TBC1D5: variants seen among roughly 807,000 people sequenced by gnomAD.
TBC1D5 encodes the protein TBC1 domain family member 5.
In TBC1D5, 75 loss-of-function variants were observed where a neutral mutation model predicts 100.3. The observed-to-expected ratio is 0.75, with a 90% CI of 0.62 to 0.91. TBC1D5 has a LOEUF of 0.91. Among genes scored for constraint, TBC1D5 ranks in the 40% least tolerant of loss-of-function variants. The pLI is 0.00. For synonymous variants in TBC1D5, 323 were observed against 325.6 expected (o/e 0.99, Z 0.09); for missense variants, 910 against 942.4 (o/e 0.97, Z 0.45).
intron 1 of TBC1D5, among the ~76,000 whole-genome samples, chr3:17,640,478 G>T (rs866049560): frequency 8.6e-5 from 13 of 151,842 alleles, no homozygotes; most frequent in African/African-American, 2.2e-4. Flanking sequence ...CTTAAAAGAA[G>T]AATTATTTTA....
chr3:17,314,863 C>A (rs574776617), intron 13 of TBC1D5, among the ~76,000 whole-genome samples: 1 of 152,142 alleles, frequency 6.6e-6, no homozygotes, highest in Non-Finnish European at 1.5e-5. Context: ...ACAGTAGTGG[C>A]CTGAAACTTT....
At chr3:17,349,092 C>T (rs560964041) in intron 13 of TBC1D5, among the ~76,000 whole-genome samples, 4 of 152,104 alleles carry the variant, frequency 2.6e-5, no homozygotes, top group Non-Finnish European at 5.9e-5. Flanking sequence ...TGGAAATTAT[C>T]CAAAACTGAA....
intron 13 of TBC1D5, among the ~76,000 whole-genome samples, chr3:17,312,434 C>T (rs377520628): frequency 3.9e-5 from 6 of 152,162 alleles, no homozygotes; most frequent in South Asian, 4.1e-4. Context: ...ATCCTTTAAG[C>T]CATCAAACTC....
chr3:17,678,159 C>T (rs183195496), intron 1 of TBC1D5, among the ~76,000 whole-genome samples: 42 of 152,184 alleles, frequency 2.8e-4, no homozygotes, highest in African/African-American at 9.9e-4. Context: ...AAGAAATATG[C>T]TTTCCACAAA....
chr3:17,577,417 T>C (rs1041926860), intron 2 of TBC1D5, among the ~76,000 whole-genome samples: 8 of 151,996 alleles, frequency 5.3e-5, no homozygotes, highest in Non-Finnish European at 1.0e-4. Context: ...TCAGTGCAGA[T>C]CTAGGTAAAC....
intron 2 of TBC1D5, among the ~76,000 whole-genome samples, chr3:17,602,358 T>G (rs2061014394): frequency 6.6e-6 from 1 of 152,112 alleles, no homozygotes; most frequent in Admixed American, 6.6e-5. Context: ...GCTCAGACAT[T>G]GATTTCCTCT....
In TBC1D5 at chr3:17,647,992, T is replaced by C. The variant is rs548328194; in HGVS notation, c.-100-24079A>G. 6.6e-4 allele frequency among the ~76,000 whole-genome samples: 101 copies of C among 152,250 alleles called. 1 individual carries two copies. The South Asian group carries it at 0.021, about 31-fold the overall frequency. On this transcript the variant is annotated intron_variant, in intron 1 of 21. Transcript: ENST00000253692. The stretch of plus-strand genomic sequence containing the variant: ...GAAATAGAAGAAAATATTTTAAAAT[T>C]CGTATGAAACTAAAAAAGACACCGA...
At chr3:17,273,735 A>G (rs1693091724) in intron 15 of TBC1D5, among the ~76,000 whole-genome samples, 1 of 148,542 alleles carries the variant, frequency 6.7e-6, no homozygotes, top group Admixed American at 6.8e-5. Context: ...TGAACCCGGG[A>G]GGTGGAGGTT....
intron 4 of TBC1D5, among the ~76,000 whole-genome samples, chr3:17,423,442 T>C (rs1250172803): frequency 3.9e-5 from 6 of 152,140 alleles, no homozygotes; most frequent in African/African-American, 1.4e-4. Context: ...GTGTATCTTT[T>C]TAGCATTCAA....
chr3:17,291,803 C>G (rs1322010359), intron 15 of TBC1D5, 92 bp downstream of exon 15: 7 of 1,197,620 alleles, frequency 5.8e-6, no homozygotes, highest in Non-Finnish European at 2.4e-6. Context: ...TACCATTAGG[C>G]AAATTCCACA....
intron 18 of TBC1D5, among the ~76,000 whole-genome samples, chr3:17,186,442 C>T (rs1305817944): frequency 6.6e-6 from 1 of 152,058 alleles, no homozygotes; most frequent in Non-Finnish European, 1.5e-5. Context: ...GGTGCAGTGG[C>T]TCATGCCTGT....
chr3:17,561,476 A>C (rs2096558825), intron 2 of TBC1D5, among the ~76,000 whole-genome samples: 1 of 152,186 alleles, frequency 6.6e-6, no homozygotes, highest in Non-Finnish European at 1.5e-5. Flanking sequence ...TAGCAGACAG[A>C]GAAGCAAACA....
intron 3 of TBC1D5, among the ~76,000 whole-genome samples, chr3:17,437,248 T>G (rs939368213): frequency 6.6e-6 from 1 of 152,130 alleles, no homozygotes; most frequent in Non-Finnish European, 1.5e-5. Context: ...ATAAAATTAT[T>G]TTATTTATGA....
At chr3:17,336,490 C>T (rs960734578) in intron 13 of TBC1D5, among the ~76,000 whole-genome samples, 1 of 152,072 alleles carries the variant, frequency 6.6e-6, no homozygotes, top group African/African-American at 2.4e-5. Flanking sequence ...TAGGTCACGG[C>T]TGAGGTCTCT....
intron 4 of TBC1D5, among the ~76,000 whole-genome samples, chr3:17,427,721 G>C (rs546481550): frequency 6.6e-6 from 1 of 151,734 alleles, no homozygotes; most frequent in South Asian, 2.1e-4. Context: ...TATTGAATTT[G>C]CACTTTTTTC....
chr3:17,185,522 T>C (rs1174925588), intron 18 of TBC1D5, among the ~76,000 whole-genome samples: 2 of 152,216 alleles, frequency 1.3e-5, no homozygotes, highest in Non-Finnish European at 2.9e-5. Context: ...ATTTAAAAAG[T>C]GCACAATATA....
At chr3:17,527,079 T>C (rs911134696) in intron 2 of TBC1D5, among the ~76,000 whole-genome samples, 1 of 152,156 alleles carries the variant, frequency 6.6e-6, no homozygotes, top group Admixed American at 6.5e-5. Context: ...CCAGAAAATA[T>C]ACGTTCTAGG....
chr3:17,700,069 G>C (rs1396936802), intron 1 of TBC1D5: 1 of 151,372 alleles, frequency 6.6e-6, no homozygotes, highest in Non-Finnish European at 1.5e-5. Flanking sequence ...GTGTTCTAAA[G>C]CCCCACCTTC....
intron 3 of TBC1D5, among the ~76,000 whole-genome samples, chr3:17,464,014 C>T (rs1413810055): frequency 3.5e-5 from 5 of 142,220 alleles, no homozygotes; most frequent in East Asian, 4.1e-4. Context: ...TGCCACGGCG[C>T]GATCTTGGCT....
Sources: allele counts gnomAD v4.1 joint callset (sites outside exome capture counted in the v4.1 genomes callset), GRCh38; gene constraint gnomAD v4.1.1; transcripts MANE v1.5; gene names NCBI Gene and HGNC (gene_info 2026-07-23, HGNC 2026-07-21).